The following ZSCAN30 variants were observed in gnomAD, a reference collection of about 807,000 sequenced individuals.
ZSCAN30 encodes the protein zinc finger and SCAN domain containing 30, also known as zinc finger and SCAN domain-containing protein 30.
ZSCAN30 carries 37 observed loss-of-function variants against 44.3 expected under a neutral mutation model. The ratio of observed to expected loss-of-function variants is 0.84; its 90% confidence interval spans 0.64 to 1.10. ZSCAN30 has a LOEUF of 1.10. Among genes scored for constraint, ZSCAN30 ranks in the 50% least tolerant of loss-of-function variants. ZSCAN30 has a pLI of 0.00. For synonymous variants in ZSCAN30, 181 were observed against 204.6 expected, an observed-to-expected ratio of 0.88 and a Z score of 0.98; for missense variants, 549 against 582.6, an observed-to-expected ratio of 0.94 and a Z score of 0.59.
At chr18:35,272,530 G>A (rs2044301772) in intron 1 of ZSCAN30, among the ~76,000 whole-genome samples, 1 of 146,512 alleles carries the variant, frequency 6.8e-6, no homozygotes, top group African/African-American at 2.5e-5. Flanking sequence ...TAGTAGACAC[G>A]GGGTTTCACC....
Position 35,253,805 on chromosome 18 carries a change from C to T in ZSCAN30, c.1130G>A (p.Arg377Lys). 1 of 1,614,210 alleles carries T rather than the reference C, an allele frequency of 6.2e-7. No homozygotes were observed. The highest frequency in any genetic ancestry group is 8.5e-7 in the Non-Finnish European group (1 of 1,180,022). The change falls in exon 4 of 4, where the codon AGA (arginine) becomes AAA (lysine). Residue 377 changes from arginine to lysine, a missense_variant. By Grantham distance (26) the Arg-to-Lys change is conservative. Transcript: ENST00000333206. ...RGSSELIRHR[R>K]IHTGEKPYEC... ...ATAAGGCTTCTCTCCAGTGTGGATT[C>T]TCCGATGCCTGATGAGCTCTGAACT...
intron 1 of ZSCAN30, among the ~76,000 whole-genome samples, chr18:35,273,613 C>T (rs1435229648): frequency 6.6e-6 from 1 of 152,192 alleles, no homozygotes; most frequent in Non-Finnish European, 1.5e-5. Flanking sequence ...CATGAAAAGA[C>T]CACCATTTCC....
chr18:35,273,955 T>C lies in ZSCAN30; in HGVS notation c.-103-9500A>G, dbSNP rs1598643576. Among the ~76,000 whole-genome samples the C allele has an allele frequency of 2.6e-5, 4 of 152,240 alleles. No homozygotes were observed. In the South Asian group the frequency reaches 8.3e-4, roughly 31 times the overall value. On this transcript the variant is annotated intron_variant, in intron 1 of 3. Transcript: ENST00000333206. ...TTCTGCTGGTTGTTCTTAGCTCGGT[T>C]GCCTGGTTATCTTTTATCAGGAATT...
At position 35,251,589 on chromosome 18, in the gene ZSCAN30, G is replaced by A. The variant is rs1018418790; in HGVS notation, c.*1861C>T. On this transcript the variant is annotated 3_prime_UTR_variant, in exon 4 of 4. Transcript: ENST00000333206. Reference sequence around the variant, plus strand: ...TGTTGAGGGAGGGTCGTGGTGGGAGGTGATTAGATCATGGGAGCAGATTTC... The same window carrying A: ...TGTTGAGGGAGGGTCGTGGTGGGAGATGATTAGATCATGGGAGCAGATTTC... The A allele has an allele frequency of 1.6e-4, 24 of 152,096 alleles. No individual in the cohort carries two copies. Among genetic ancestry groups the A allele is most frequent in the African/African-American group, 5.3e-4 (22 of 41,394 alleles). 9.4% of individuals were successfully genotyped at this position (152,096 alleles called of 1,614,324 possible). A position where few individuals can be genotyped will look rare whatever the true frequency, so the allele number is the denominator to read the frequency against.
chr18:35,280,771 T>A (rs2044442281), intron 1 of ZSCAN30: 1 of 152,246 alleles, frequency 6.6e-6, no homozygotes, highest in African/African-American at 2.4e-5. Flanking sequence ...TAATACTTGT[T>A]AATATTTATT....
chr18:35,254,459 C>A, intron 3 of ZSCAN30, 78 bp from the exon 4 acceptor site: 2 of 1,605,540 alleles, frequency 1.2e-6, no homozygotes, highest in South Asian at 2.2e-5. Flanking sequence ...AACACAAACT[C>A]AATGAAATAG....
intron 3 of ZSCAN30, chr18:35,259,154 G>C (rs529732391): frequency 5.3e-5 from 8 of 152,216 alleles, no homozygotes; most frequent in African/African-American, 1.7e-4. Context: ...CAGCAGGTTT[G>C]GTTTCTTCTC....
chr18:35,266,982 G>C (rs2143714933), intron 1 of ZSCAN30: 1 of 150,594 alleles, frequency 6.6e-6, no homozygotes, highest in South Asian at 2.2e-4. Flanking sequence ...TAATTTTTTA[G>C]TGTAAAATAC....
chr18:35,264,215 T>A lies in ZSCAN30; in HGVS notation c.138A>T (p.Val46=), dbSNP rs2143703672. 1 of 1,614,192 alleles carries A rather than the reference T, an allele frequency of 6.2e-7. No homozygotes were observed. Among genetic ancestry groups the A allele is most frequent in the East Asian group, 2.2e-5 (1 of 44,888 alleles). The change falls in exon 2 of 4, where the codon GTA becomes GTT. Residue 46 remains valine, a synonymous_variant. Coordinates refer to ENST00000333206, the MANE Select transcript of ZSCAN30 (RefSeq NM_001112734.4). ...GLQENPWSQE[V]FRQKFRQFSY... The stretch of plus-strand genomic sequence containing the variant: ...TAAACTGCCTGAACTTCTGCCGGAA[T>A]ACCTCTTGGCTCCAGGGGTTTTCCT...
intron 1 of ZSCAN30, among the ~76,000 whole-genome samples, chr18:35,270,790 C>T (rs946621507): frequency 6.6e-6 from 1 of 152,168 alleles, no homozygotes; most frequent in Non-Finnish European, 1.5e-5. Flanking sequence ...AATAAAGCCG[C>T]GGACCCTCGC....
chr18:35,278,692 C>T (rs1431474188), intron 1 of ZSCAN30, among the ~76,000 whole-genome samples: 1 of 152,158 alleles, frequency 6.6e-6, no homozygotes, highest in Non-Finnish European at 1.5e-5. Flanking sequence ...GTATCTCTTT[C>T]CTCTCATATT....
chr18:35,271,509 T>A (rs1490614821), intron 1 of ZSCAN30, among the ~76,000 whole-genome samples: 3 of 152,242 alleles, frequency 2.0e-5, no homozygotes, highest in African/African-American at 7.2e-5. Flanking sequence ...CACAGAGTGC[T>A]GATTGGTGCA....
chr18:35,267,318 TG>T (rs2044175793), intron 1 of ZSCAN30, among the ~76,000 whole-genome samples: 1 of 152,030 alleles, frequency 6.6e-6, no homozygotes, highest in East Asian at 1.9e-4. Flanking sequence ...TGGAAATGGA[TG>T]GCGGGACTGA....
chr18:35,278,326 T>C (rs1006040684), intron 1 of ZSCAN30, among the ~76,000 whole-genome samples: 2 of 152,232 alleles, frequency 1.3e-5, no homozygotes, highest in African/African-American at 4.8e-5. Flanking sequence ...GGGTACCTCG[T>C]TTCCTGCTTT....
chr18:35,271,603 G>A (rs922998266), intron 1 of ZSCAN30, among the ~76,000 whole-genome samples: 2 of 152,230 alleles, frequency 1.3e-5, no homozygotes, highest in Non-Finnish European at 2.9e-5. Context: ...AGTGGAACCC[G>A]TGCCAGGGCC....
rs775183294 is a variant in ZSCAN30, at chr18:35,253,753, G to A, written c.1182C>T (p.Phe394=). ...PYECGECGKA[F]SRSSALIQHK... is the part of the protein sequence containing the mutation. ...GCTGAATAAGGGCTGAGCTCCGGCT[G>A]AAGGCCTTCCCACATTCTCCACATT... The change falls in exon 4 of 4, where the codon TTC becomes TTT. Residue 394 remains phenylalanine (F), a synonymous_variant. Transcript: ENST00000333206. The A allele has an allele frequency of 6.2e-6, 10 of 1,613,676 alleles. No homozygotes were observed. Among genetic ancestry groups the A allele is most frequent in the Non-Finnish European group, 8.5e-6 (10 of 1,179,928 alleles).
intron 1 of ZSCAN30, among the ~76,000 whole-genome samples, chr18:35,278,344 C>A (rs967610788): frequency 1.3e-5 from 2 of 152,178 alleles, no homozygotes; most frequent in Non-Finnish European, 2.9e-5. Flanking sequence ...TTTTGTAATA[C>A]CAGAAGTTGG....
At chr18:35,280,976 A>G (rs1220633195) in intron 1 of ZSCAN30, 1 of 152,238 alleles carries the variant, frequency 6.6e-6, no homozygotes, top group Non-Finnish European at 1.5e-5. Context: ...ATGATAAGCA[A>G]AAGTCCACAT....
At chr18:35,280,607 T>C (rs2044439946) in intron 1 of ZSCAN30, among the ~76,000 whole-genome samples, 1 of 152,248 alleles carries the variant, frequency 6.6e-6, no homozygotes, top group Non-Finnish European at 1.5e-5. Context: ...CCTTGGGAAC[T>C]GTGATTACAC....
Sources: gnomAD v4.1 joint callset for allele counts (sites outside exome capture counted in the v4.1 genomes callset) on GRCh38, gnomAD v4.1.1 for gene constraint, MANE v1.5 for transcripts, NCBI Gene and HGNC (gene_info 2026-07-23, HGNC 2026-07-21) for gene names.